GRM8: variants seen among roughly 807,000 people sequenced by gnomAD.
The protein encoded by GRM8 is glutamate metabotropic receptor 8.
A neutral mutation model predicts 87.2 loss-of-function variants in GRM8; 47 were observed. The observed-to-expected ratio is 0.54, with a 90% CI of 0.43 to 0.69. The LOEUF is 0.69. Ranked by LOEUF, GRM8 falls within the 30% of genes least tolerant of loss-of-function variation. GRM8 has a pLI of 0.00. For synonymous variants in GRM8, 396 were observed against 404.5 expected, an observed-to-expected ratio of 0.98 and a Z score of 0.25; for missense variants, 1,019 against 1,139.2, an observed-to-expected ratio of 0.89 and a Z score of 1.52.
intron 7 of GRM8, among the ~76,000 whole-genome samples, chr7:126,760,461 G>A (rs769587957): frequency 5.9e-5 from 9 of 152,054 alleles, no homozygotes; most frequent in East Asian, 1.9e-4. Flanking sequence ...CACCTCACTC[G>A]GTTAGAAAAC....
chr7:127,229,340 T>C (rs1015939932), intron 2 of GRM8: 1 of 152,214 alleles, frequency 6.6e-6, no homozygotes, highest in African/African-American at 2.4e-5. Context: ...TTTTTCATTT[T>C]TGTTAGAGAC....
intron 3 of GRM8, among the ~76,000 whole-genome samples, chr7:127,097,013 G>A (rs1824721257): frequency 3.9e-5 from 6 of 152,128 alleles, no homozygotes; most frequent in Admixed American, 3.9e-4. Context: ...CTAGGAATCT[G>A]GTGACAATGG....
At chr7:127,210,839 C>T (rs1796170739) in intron 2 of GRM8, among the ~76,000 whole-genome samples, 1 of 150,508 alleles carries the variant, frequency 6.6e-6, no homozygotes, top group Non-Finnish European at 1.5e-5. Context: ...ATAAGAAGAT[C>T]AATTTAGTAC....
chr7:127,212,470 T>C (rs1170138353), intron 2 of GRM8, among the ~76,000 whole-genome samples: 1 of 139,546 alleles, frequency 7.2e-6, no homozygotes, highest in African/African-American at 2.8e-5. Flanking sequence ...CAGGCTGGAG[T>C]GCAGTGGCGG....
At chr7:126,474,499 G>T (rs144905876) in intron 9 of GRM8, among the ~76,000 whole-genome samples, 1 of 152,182 alleles carries the variant, frequency 6.6e-6, no homozygotes, top group South Asian at 2.1e-4. Flanking sequence ...GAATTCTTGG[G>T]CTCAAATAAT....
chr7:126,496,501 T>C (rs1002239315), intron 9 of GRM8, among the ~76,000 whole-genome samples: 1 of 152,020 alleles, frequency 6.6e-6, no homozygotes, highest in Non-Finnish European at 1.5e-5. Context: ...AAGGTTTCAA[T>C]AGTTCCACTA....
intron 3 of GRM8, among the ~76,000 whole-genome samples, chr7:127,017,943 T>A (rs1254532743): frequency 1.3e-5 from 2 of 152,052 alleles, no homozygotes; most frequent in Non-Finnish European, 2.9e-5. Context: ...CAAAATATAT[T>A]CATTATTAAT....
chr7:126,999,417 C>T (rs1194847346), intron 3 of GRM8, among the ~76,000 whole-genome samples: 1 of 151,654 alleles, frequency 6.6e-6, no homozygotes, highest in East Asian at 1.9e-4. Context: ...AAAGCTTCTG[C>T]ATACTAAAGG....
At chr7:127,070,717 T>G (rs1821588514) in intron 3 of GRM8, among the ~76,000 whole-genome samples, 1 of 152,148 alleles carries the variant, frequency 6.6e-6, no homozygotes, top group South Asian at 2.1e-4. Context: ...TTGGTTTAAC[T>G]CTCTCAATAA....
rs1334014017 is a variant in GRM8 at position 127,076,310 on chromosome 7, T to A, written c.727+30186A>T. ...ATATACATTAAACAGAAGCCCTCTA[T>A]TTCTGTTCCATGTTCAGATCCATCT... On this transcript the variant is annotated intron_variant, in intron 3 of 10. Coordinates refer to ENST00000339582, the MANE Select transcript of GRM8 (RefSeq NM_000845.3). 10 of 416,752 alleles carry A rather than the reference T, an allele frequency of 2.4e-5. No individual in the cohort carries two copies. In the East Asian group the frequency reaches 7.1e-4, roughly 30 times the overall value. 25.8% of individuals were successfully genotyped at this position (416,752 alleles called of 1,614,324 possible).
chr7:126,452,436 A>C (rs1211684074), intron 9 of GRM8, among the ~76,000 whole-genome samples: 20 of 151,150 alleles, frequency 1.3e-4, no homozygotes, highest in Admixed American at 1.3e-3. Flanking sequence ...AGTATAATAA[A>C]AAAAAAAAAG....
chr7:126,732,375 C>T (rs753563174), intron 7 of GRM8, among the ~76,000 whole-genome samples: 15 of 151,988 alleles, frequency 9.9e-5, no homozygotes, highest in Non-Finnish European at 1.9e-4. Flanking sequence ...AAGAAAAATC[C>T]AAAGTCCCCA....
At position 126,904,680 on chromosome 7, in the gene GRM8, C is replaced by G; in HGVS notation, c.731G>C (p.Gly244Ala). 1.2e-6 allele frequency: 2 copies of G among 1,612,850 alleles called. No individual in the cohort carries two copies. The highest frequency in any genetic ancestry group is 1.1e-5 in the South Asian group (1 of 90,868). ...AFTQISREIG[G>A]VCIAQSQKIP... ...TTTCTGTGACTGAGCAATGCAAACA[C>G]CACCTATTTAAAAAAGAAGGGAGGT... Residue 244 changes from glycine (G) to alanine (A), a missense_variant, in exon 4 of 11, where the codon GGT (glycine) becomes GCT (alanine). Coordinates refer to ENST00000339582, the MANE Select transcript of GRM8 (RefSeq NM_000845.3).
At chr7:126,699,353 A>C (rs1809692355) in intron 7 of GRM8, among the ~76,000 whole-genome samples, 1 of 152,220 alleles carries the variant, frequency 6.6e-6, no homozygotes, top group Non-Finnish European at 1.5e-5. Context: ...TAAGTTTATA[A>C]GAGTTCTGTT....
intron 2 of GRM8, among the ~76,000 whole-genome samples, chr7:127,220,598 T>A (rs1165199993): frequency 6.6e-6 from 1 of 151,828 alleles, no homozygotes; most frequent in Non-Finnish European, 1.5e-5. Context: ...GATCCTCCCA[T>A]CTCAGTCTCC....
At chr7:126,522,329 C>A (rs1462679785) in intron 9 of GRM8, among the ~76,000 whole-genome samples, 1 of 152,056 alleles carries the variant, frequency 6.6e-6, no homozygotes, top group East Asian at 1.9e-4. Flanking sequence ...TATCCACATC[C>A]CCTGCAACTC....
intron 3 of GRM8, among the ~76,000 whole-genome samples, chr7:126,964,805 C>CT (rs1763135142): frequency 6.6e-6 from 1 of 152,208 alleles, no homozygotes; most frequent in Non-Finnish European, 1.5e-5. Context: ...AATTCCATTA[C>CT]TGGGTATATA....
chr7:126,741,809 T>G (rs1366636717), intron 7 of GRM8, among the ~76,000 whole-genome samples: 1 of 152,080 alleles, frequency 6.6e-6, no homozygotes, highest in East Asian at 1.9e-4. Context: ...AGCATGATGT[T>G]TAAGAGTGGA....
intron 7 of GRM8, among the ~76,000 whole-genome samples, chr7:126,692,709 A>T (rs1403343471): frequency 6.6e-6 from 1 of 152,228 alleles, no homozygotes; most frequent in Non-Finnish European, 1.5e-5. Flanking sequence ...CTGGAAAAAA[A>T]AATAAAACAC....
Sources: allele counts gnomAD v4.1 joint callset (sites outside exome capture counted in the v4.1 genomes callset), GRCh38; gene constraint gnomAD v4.1.1; transcripts MANE v1.5; gene names NCBI Gene and HGNC (gene_info 2026-07-23, HGNC 2026-07-21).